The following KCTD16 variants were observed in gnomAD, a reference collection of about 807,000 sequenced individuals.
KCTD16 encodes BTB/POZ domain-containing protein KCTD16.
Under a neutral mutation model 33.2 loss-of-function variants are expected in KCTD16, and 13 were observed. The ratio of observed to expected loss-of-function variants is 0.39; its 90% CI spans 0.25 to 0.62. The LOEUF is 0.62. KCTD16 is among the 20% of genes least tolerant of loss of function. The pLI is 0.50. For synonymous variants in KCTD16, 197 were observed against 195.3 expected, an observed-to-expected ratio of 1.01 and a Z score of -0.07; for missense variants, 441 against 525.1, an observed-to-expected ratio of 0.84 and a Z score of 1.57.
rs1754546706 is a variant in KCTD16 at position 144,474,248 on chromosome 5, C to T, written c.*134C>T. 8 of 671,776 alleles carry T rather than the reference C, an allele frequency of 1.2e-5. No individual in the cohort carries two copies. The highest frequency in any genetic ancestry group is 1.7e-5 in the Non-Finnish European group (7 of 402,502). 41.6% of individuals were successfully genotyped at this position (671,776 alleles called of 1,614,324 possible). ...TAGAACACAATAGTCCATTGATATACTACTGCCTACTTTACCTAGTTCACC... is the reference window on the plus strand; with the variant it reads ...TAGAACACAATAGTCCATTGATATATTACTGCCTACTTTACCTAGTTCACC... On this transcript the variant is annotated 3_prime_UTR_variant, in exon 4 of 4. Transcript: ENST00000512467.
intron 3 of KCTD16, among the ~76,000 whole-genome samples, chr5:144,464,753 C>CTCTTCCTCTTCTTCTTCTTCT (rs1754281319): frequency 6.7e-6 from 1 of 150,342 alleles, no homozygotes; most frequent in African/African-American, 2.5e-5. Flanking sequence ...CTTCCTCTTC[C>CTCTTCCTCTTCTTCTTCTTCT]TCTTCCTCTT....
chr5:144,268,341 C>G (rs1304976316), intron 3 of KCTD16, among the ~76,000 whole-genome samples: 1 of 152,198 alleles, frequency 6.6e-6, no homozygotes, highest in Non-Finnish European at 1.5e-5. Flanking sequence ...CCTTCCCCCT[C>G]CATCTGAGGT....
rs566204931 is a variant in KCTD16, at chr5:144,280,752, A to G, written c.832+73206A>G. Among the ~76,000 whole-genome samples the G allele has an allele frequency of 7.7e-4, 117 of 152,230 alleles. No homozygotes were observed. In the Middle Eastern group the frequency reaches 0.01, roughly 13 times the overall value. The stretch of plus-strand genomic sequence containing the variant: ...ATCCTGGCTAACATGGTGAAACCCC[A>G]TCTCTACTAAACAAAATACAAAAAA... On this transcript the variant is annotated intron_variant, in intron 3 of 3. Coordinates refer to ENST00000512467, the MANE Select transcript of KCTD16 (RefSeq NM_020768.4).
chr5:144,238,668 CTT>C (rs1211322237), intron 3 of KCTD16, among the ~76,000 whole-genome samples: 1 of 152,068 alleles, frequency 6.6e-6, no homozygotes, highest in Non-Finnish European at 1.5e-5. Context: ...GTATTAATCT[CTT>C]TCACAGCTGT....
intron 3 of KCTD16, among the ~76,000 whole-genome samples, chr5:144,308,444 G>A (rs955227881): frequency 6.6e-6 from 1 of 151,210 alleles, no homozygotes; most frequent in Non-Finnish European, 1.5e-5. Flanking sequence ...CGCCTGAGGC[G>A]GGTGGGCAGG....
At chr5:144,243,205 G>GATC (rs749829746) in intron 3 of KCTD16, among the ~76,000 whole-genome samples, 105 of 152,134 alleles carry the variant, frequency 6.9e-4, no homozygotes, top group South Asian at 4.2e-3. Context: ...TTTTGATGTG[G>GATC]ATCTTGATTA....
intron 3 of KCTD16, among the ~76,000 whole-genome samples, chr5:144,293,237 C>T (rs1326577030): frequency 1.3e-5 from 2 of 152,124 alleles, no homozygotes; most frequent in East Asian, 3.9e-4. Flanking sequence ...TCTACTTTTA[C>T]AGTCTATCCT....
intron 3 of KCTD16, among the ~76,000 whole-genome samples, chr5:144,377,529 A>G (rs766709997): frequency 3.3e-5 from 5 of 152,220 alleles, no homozygotes. Context: ...GAGTCAGTCC[A>G]CAGACCAGCA....
chr5:144,241,580 A>G (rs946656023), intron 3 of KCTD16, among the ~76,000 whole-genome samples: 30 of 152,172 alleles, frequency 2.0e-4, no homozygotes, highest in Non-Finnish European at 3.8e-4. Context: ...TTGTAAGTAT[A>G]AAGACTTTAT....
At chr5:144,466,987 AC>A (rs1754348181) in intron 3 of KCTD16, among the ~76,000 whole-genome samples, 1 of 107,968 alleles carries the variant, frequency 9.3e-6, no homozygotes, top group Non-Finnish European at 1.8e-5. Context: ...TATATATAAC[AC>A]TATATATATT....
chr5:144,250,940 T>TTA (rs915147227), intron 3 of KCTD16, among the ~76,000 whole-genome samples: 3 of 152,142 alleles, frequency 2.0e-5, no homozygotes, highest in African/African-American at 7.2e-5. Flanking sequence ...TTTACAATTA[T>TTA]TATATATATG....
At chr5:144,347,419 A>C (rs1752831299) in intron 3 of KCTD16, among the ~76,000 whole-genome samples, 1 of 152,148 alleles carries the variant, frequency 6.6e-6, no homozygotes, top group Non-Finnish European at 1.5e-5. Context: ...ACATGGTGAA[A>C]CCTCGTCTCT....
rs1580861808 is a variant in KCTD16, at chr5:144,308,759, G to A, written c.832+101213G>A. Among the ~76,000 whole-genome samples the A allele has an allele frequency of 2.9e-5, 2 of 69,040 alleles. 1 individual carries two copies. The highest frequency in any genetic ancestry group is 2.6e-4 in the Admixed American group (2 of 7,660). The allele number at this position is 69,040 out of a possible 152,430, so 45.3% of individuals were successfully genotyped here. A position where few individuals can be genotyped will look rare whatever the true frequency, so the allele number is the denominator to read the frequency against. On this transcript the variant is annotated intron_variant, in intron 3 of 3. Coordinates refer to ENST00000512467, the MANE Select transcript of KCTD16 (RefSeq NM_020768.4). ...ACCTGCCTCCATCCTCAGATTGTGG[G>A]GTGGGGTGGGGTAGGGTGGGTGCAA...
intron 3 of KCTD16, among the ~76,000 whole-genome samples, chr5:144,376,731 A>G (rs1752102245): frequency 6.6e-6 from 1 of 152,204 alleles, no homozygotes; most frequent in Non-Finnish European, 1.5e-5. Flanking sequence ...GGATCCAACA[A>G]TATTCTTGGA....
At chr5:144,281,301 ATG>A (rs1561552460) in intron 3 of KCTD16, among the ~76,000 whole-genome samples, 1 of 152,132 alleles carries the variant, frequency 6.6e-6, no homozygotes, top group Non-Finnish European at 1.5e-5. Flanking sequence ...AGATTTGAGA[ATG>A]TGTTTTGGTT....
At chr5:144,408,828 C>G (rs933308614) in intron 3 of KCTD16, among the ~76,000 whole-genome samples, 1 of 152,088 alleles carries the variant, frequency 6.6e-6, no homozygotes, top group South Asian at 2.1e-4. Flanking sequence ...CCCTTCCAAC[C>G]GTCTTTACAT....
intron 3 of KCTD16, among the ~76,000 whole-genome samples, chr5:144,378,936 G>A (rs1281444370): frequency 1.3e-5 from 2 of 152,146 alleles, no homozygotes; most frequent in East Asian, 3.9e-4. Context: ...GCAAGCATCC[G>A]TGAAATGGGA....
intron 3 of KCTD16, among the ~76,000 whole-genome samples, chr5:144,323,107 T>C (rs1752117234): frequency 6.6e-6 from 1 of 152,122 alleles, no homozygotes; most frequent in Admixed American, 6.6e-5. Flanking sequence ...GCTATTATGA[T>C]AGAACTGCAA....
chr5:144,287,378 A>G (rs1332548942), intron 3 of KCTD16, among the ~76,000 whole-genome samples: 1 of 152,224 alleles, frequency 6.6e-6, no homozygotes, highest in Admixed American at 6.5e-5. Flanking sequence ...CCCCTTGGCC[A>G]ATTGATCGTT....
Sources: allele counts gnomAD v4.1 joint callset (sites outside exome capture counted in the v4.1 genomes callset), GRCh38; gene constraint gnomAD v4.1.1; transcripts MANE v1.5; gene names NCBI Gene and HGNC (gene_info 2026-07-23, HGNC 2026-07-21).